Variants in PPFIA2 observed in about 807,000 individuals in gnomAD.
PPFIA2 encodes PPFI scaffold protein A2.
Under a neutral mutation model 175.5 loss-of-function variants are expected in PPFIA2, and 46 were observed. That is an observed-to-expected ratio of 0.26 (90% CI 0.21 to 0.34). The LOEUF (loss-of-function observed/expected upper bound fraction) is 0.34. Ranked by LOEUF, PPFIA2 falls within the 10% of genes least tolerant of loss-of-function variation. The pLI, the probability that PPFIA2 is intolerant of heterozygous loss-of-function variation, is 1.00. For synonymous variants in PPFIA2, 568 were observed against 511.4 expected (o/e 1.11, Z -1.49); for missense variants, 1,179 against 1,506.1 (o/e 0.78, Z 3.60).
intron 8 of PPFIA2, among the ~76,000 whole-genome samples, chr12:81,394,260 G>C (rs1224504119): frequency 6.6e-6 from 1 of 151,938 alleles, no homozygotes; most frequent in East Asian, 1.9e-4. Flanking sequence ...GCTGGTACCA[G>C]ACTTACTGTT....
At chr12:81,740,823 G>C (rs1321041391) in intron 3 of PPFIA2, among the ~76,000 whole-genome samples, 3 of 151,598 alleles carry the variant, frequency 2.0e-5, no homozygotes, top group Admixed American at 6.6e-5. Flanking sequence ...ATAACAATAA[G>C]AGCAGGCCAA....
chr12:81,333,719 G>A (rs897972032), intron 21 of PPFIA2, among the ~76,000 whole-genome samples: 1 of 152,008 alleles, frequency 6.6e-6, no homozygotes, highest in East Asian at 1.9e-4. Flanking sequence ...TTTTTGGTGG[G>A]GGGGATAGCA....
chr12:81,580,522 G>A (rs975026199), intron 4 of PPFIA2, among the ~76,000 whole-genome samples: 1 of 151,208 alleles, frequency 6.6e-6, no homozygotes, highest in Non-Finnish European at 1.5e-5. Context: ...ATAAAGTACA[G>A]GTAGCCTGAT....
chr12:81,694,026 G>C (rs1255032384), intron 3 of PPFIA2, among the ~76,000 whole-genome samples: 1 of 151,566 alleles, frequency 6.6e-6, no homozygotes, highest in Non-Finnish European at 1.5e-5. Flanking sequence ...CCTATGTTCA[G>C]ATACAGGGGC....
chr12:81,588,499 G>A (rs914748154), intron 4 of PPFIA2, among the ~76,000 whole-genome samples: 4 of 151,856 alleles, frequency 2.6e-5, no homozygotes, highest in African/African-American at 4.8e-5. Context: ...CTACTACTCA[G>A]GCAGACCTCT....
intron 22 of PPFIA2, among the ~76,000 whole-genome samples, chr12:81,306,309 C>T (rs550245279): frequency 1.4e-3 from 220 of 152,152 alleles, no homozygotes; most frequent in Non-Finnish European, 1.3e-3. Context: ...AGCTTGATTC[C>T]TTTGCCTGTC....
intron 9 of PPFIA2, among the ~76,000 whole-genome samples, chr12:81,380,217 T>C (rs1411825272): frequency 1.3e-5 from 2 of 151,990 alleles, no homozygotes; most frequent in Non-Finnish European, 2.9e-5. Flanking sequence ...ACACAAAAAT[T>C]TTCCAGACAT....
chr12:81,465,035 G>A (rs1467928447), intron 4 of PPFIA2, among the ~76,000 whole-genome samples: 1 of 152,128 alleles, frequency 6.6e-6, no homozygotes, highest in Non-Finnish European at 1.5e-5. Context: ...CCTCAGGAAA[G>A]CTGGTTAGGA....
chr12:81,419,801 T>C (rs1203028441), intron 7 of PPFIA2, among the ~76,000 whole-genome samples: 2 of 152,124 alleles, frequency 1.3e-5, no homozygotes, highest in Non-Finnish European at 2.9e-5. Flanking sequence ...TGCATTTGCA[T>C]CCATATCCAA....
At chr12:81,743,457 A>C (rs537530369) in intron 3 of PPFIA2, among the ~76,000 whole-genome samples, 1 of 141,748 alleles carries the variant, frequency 7.1e-6, no homozygotes, top group South Asian at 2.3e-4. Context: ...TTTTGCTGTA[A>C]AGGGAAAGAT....
At chr12:81,632,234 C>A in intron 4 of PPFIA2, among the ~76,000 whole-genome samples, 1 of 152,190 alleles carries the variant, frequency 6.6e-6, no homozygotes. Flanking sequence ...GTGTCATAAA[C>A]TACAGTTGTA....
At chr12:81,642,700 GTATA>G (rs751847830) in intron 4 of PPFIA2, among the ~76,000 whole-genome samples, 231 of 1,894 alleles carry the variant, frequency 0.12, 72 homozygotes, top group Non-Finnish European at 0.28. Context: ...ATACATACAT[GTATA>G]TGTATGTATG....
At chr12:81,378,794 T>G (rs2036971000) in intron 9 of PPFIA2, among the ~76,000 whole-genome samples, 1 of 152,306 alleles carries the variant, frequency 6.6e-6, no homozygotes, top group East Asian at 1.9e-4. Flanking sequence ...TAGTACATAC[T>G]TGCTCCAAAT....
intron 24 of PPFIA2, among the ~76,000 whole-genome samples, chr12:81,286,576 C>T (rs1391291038): frequency 1.3e-5 from 2 of 151,952 alleles, no homozygotes; most frequent in Non-Finnish European, 2.9e-5. Flanking sequence ...GTGCAGTAGT[C>T]TATACCATTT....
At chr12:81,439,827 A>T in intron 7 of PPFIA2, 145 bp downstream of exon 7, 1 of 703,640 alleles carries the variant, frequency 1.4e-6, no homozygotes, top group Non-Finnish European at 2.3e-6. Flanking sequence ...AGACTCCGGC[A>T]ACTAATTTCA....
At chr12:81,630,361 T>G (rs1371251077) in intron 4 of PPFIA2, among the ~76,000 whole-genome samples, 2 of 152,156 alleles carry the variant, frequency 1.3e-5, no homozygotes, top group Non-Finnish European at 2.9e-5. Flanking sequence ...GCATCAGACT[T>G]GCCAGGCCCA....
chr12:81,507,140 C>G (rs1166988514), intron 4 of PPFIA2, among the ~76,000 whole-genome samples: 2 of 152,192 alleles, frequency 1.3e-5, no homozygotes, highest in African/African-American at 4.8e-5. Context: ...AGACACTAGA[C>G]TTCCATTCAT....
intron 4 of PPFIA2, among the ~76,000 whole-genome samples, chr12:81,462,402 T>G (rs1158566942): frequency 6.8e-6 from 1 of 147,306 alleles, no homozygotes. Flanking sequence ...CTTCTACAGA[T>G]TCCTTTTAAT....
intron 4 of PPFIA2, among the ~76,000 whole-genome samples, chr12:81,549,461 C>T (rs1165107096): frequency 6.6e-6 from 1 of 151,934 alleles, no homozygotes; most frequent in Non-Finnish European, 1.5e-5. Context: ...TAGAGTCTTC[C>T]TCATTTTGAT....
Sources: gnomAD v4.1 joint callset for allele counts (sites outside exome capture counted in the v4.1 genomes callset) on GRCh38, gnomAD v4.1.1 for gene constraint, MANE v1.5 for transcripts, NCBI Gene and HGNC (gene_info 2026-07-23, HGNC 2026-07-21) for gene names.